Variants in RAPGEF6 observed in about 807,000 individuals in gnomAD.
The protein encoded by RAPGEF6 is Rap guanine nucleotide exchange factor 6.
A neutral mutation model predicts 171.4 loss-of-function variants in RAPGEF6; 56 were observed. That is an observed-to-expected ratio of 0.33 (90% CI 0.26 to 0.41). RAPGEF6 has a LOEUF of 0.41. Ranked by LOEUF, RAPGEF6 falls within the 10% of genes least tolerant of loss-of-function variation. RAPGEF6 has a pLI of 1.00. For missense variants in RAPGEF6, 1,674 were observed against 1,921.4 expected, an observed-to-expected ratio of 0.87 and a Z score of 2.41; for synonymous variants, 692 against 650.1, an observed-to-expected ratio of 1.06 and a Z score of -0.98.
intron 5 of RAPGEF6, among the ~76,000 whole-genome samples, chr5:131,551,551 G>A (rs1760928125): frequency 1.3e-5 from 2 of 150,592 alleles, no homozygotes; most frequent in Non-Finnish European, 3.0e-5. Flanking sequence ...ACAAGTAGGT[G>A]AATCAGGACT....
chr5:131,536,740 C>A (rs1401492641), intron 6 of RAPGEF6, among the ~76,000 whole-genome samples: 2 of 152,120 alleles, frequency 1.3e-5, no homozygotes, highest in African/African-American at 2.4e-5. Flanking sequence ...GTCTACACTG[C>A]GTATCAAGCA....
chr5:131,433,439 T>C lies in RAPGEF6; in HGVS notation c.3965A>G (p.His1322Arg), dbSNP rs549318728. 1.2e-6 allele frequency: 2 copies of C among 1,609,904 alleles called. No homozygotes were observed. Among genetic ancestry groups the C allele is most frequent in the African/African-American group, 1.3e-5 (1 of 74,952 alleles). Residue 1322 changes from histidine to arginine, a missense_variant, in exon 25 of 28, where the codon CAT becomes CGT. By Grantham distance (29) the His-to-Arg change is conservative. Transcript: ENST00000509018. ...AGACAATGATGCTTACCCAGGGCCATGTTGACTATGATCTCCTATCCCTGA... is the reference window on the plus strand; with the variant it reads ...AGACAATGATGCTTACCCAGGGCCACGTTGACTATGATCTCCTATCCCTGA... ...HASGIGDHSQ[H>R]GPGWTLLKPS...
intron 21 of RAPGEF6, among the ~76,000 whole-genome samples, chr5:131,448,540 T>A (rs1752863956): frequency 6.6e-6 from 1 of 152,204 alleles, no homozygotes; most frequent in East Asian, 1.9e-4. Context: ...AAGTTGCAGC[T>A]ATTTAGGAGC....
chr5:131,458,274 A>G (rs567637785), intron 19 of RAPGEF6, among the ~76,000 whole-genome samples: 1 of 152,232 alleles, frequency 6.6e-6, no homozygotes, highest in South Asian at 2.1e-4. Context: ...TCTCATGATA[A>G]TCAGTGAGTT....
intron 13 of RAPGEF6, among the ~76,000 whole-genome samples, chr5:131,494,710 TG>T (rs1376120494): frequency 6.6e-6 from 1 of 152,194 alleles, no homozygotes; most frequent in Admixed American, 6.5e-5. Context: ...AGCAATCTTT[TG>T]GCCACACAGA....
intron 3 of RAPGEF6, among the ~76,000 whole-genome samples, chr5:131,594,227 C>A (rs1580642782): frequency 6.6e-6 from 1 of 152,366 alleles, no homozygotes; most frequent in East Asian, 1.9e-4. Flanking sequence ...TGATAGTGAG[C>A]TCTCACAAGA....
chr5:131,618,552 C>T (rs1035717541), intron 1 of RAPGEF6, among the ~76,000 whole-genome samples: 4 of 152,104 alleles, frequency 2.6e-5, no homozygotes, highest in Non-Finnish European at 5.9e-5. Context: ...GCACAAGAAT[C>T]GCTTGAACCT....
intron 15 of RAPGEF6, among the ~76,000 whole-genome samples, chr5:131,488,549 A>G (rs893820730): frequency 1.3e-4 from 20 of 152,180 alleles, no homozygotes; most frequent in African/African-American, 4.3e-4. Context: ...TACTTATTCT[A>G]TGCTAAAGTA....
At chr5:131,489,906 T>A (rs979672862) in intron 14 of RAPGEF6, among the ~76,000 whole-genome samples, 1 of 152,108 alleles carries the variant, frequency 6.6e-6, no homozygotes, top group Non-Finnish European at 1.5e-5. Flanking sequence ...TGAGGAAATT[T>A]AAAAAATACC....
chr5:131,495,755 GA>G, intron 12 of RAPGEF6, 95 bp from the exon 13 acceptor site: 1 of 1,468,564 alleles, frequency 6.8e-7, no homozygotes, highest in Non-Finnish European at 9.1e-7. Flanking sequence ...ATGAAGAACT[GA>G]CAACCCTCTT....
chr5:131,611,648 C>T (rs933850191), intron 1 of RAPGEF6, among the ~76,000 whole-genome samples: 4 of 152,102 alleles, frequency 2.6e-5, no homozygotes, highest in Admixed American at 6.5e-5. Flanking sequence ...CTCCAATCTG[C>T]GTGACAGAGT....
intron 15 of RAPGEF6, among the ~76,000 whole-genome samples, chr5:131,486,324 A>G (rs1009140494): frequency 2.2e-4 from 33 of 152,184 alleles, no homozygotes; most frequent in Non-Finnish European, 4.3e-4. Flanking sequence ...GTTTTTCACT[A>G]TCTTTTTGGA....
intron 15 of RAPGEF6, among the ~76,000 whole-genome samples, chr5:131,480,567 C>T (rs961086086): frequency 6.6e-6 from 1 of 152,196 alleles, no homozygotes; most frequent in Non-Finnish European, 1.5e-5. Flanking sequence ...CAACCTCCAT[C>T]TCCCGGGTTC....
chr5:131,597,251 CTT>C (rs1168032932), intron 3 of RAPGEF6, among the ~76,000 whole-genome samples: 1 of 151,456 alleles, frequency 6.6e-6, no homozygotes, highest in Non-Finnish European at 1.5e-5. Context: ...GAAGGGAACA[CTT>C]ATACACTGTT....
At chr5:131,448,391 T>C (rs557561359) in intron 21 of RAPGEF6, among the ~76,000 whole-genome samples, 105 of 152,310 alleles carry the variant, frequency 6.9e-4, no homozygotes, top group African/African-American at 2.3e-3. Context: ...GCCAAGTCCA[T>C]AAGAGCTCCT....
chr5:131,468,000 C>T (rs1754479266), intron 17 of RAPGEF6, among the ~76,000 whole-genome samples: 1 of 151,654 alleles, frequency 6.6e-6, no homozygotes, highest in South Asian at 2.1e-4. Flanking sequence ...TACTGCAGTC[C>T]AGCCTGGGTG....
Position 131,522,214 on chromosome 5 carries a change from G to A in RAPGEF6, c.496-693C>T, listed in dbSNP as rs1044308999. Among the ~76,000 whole-genome samples the A allele has an allele frequency of 3.3e-5, 5 of 152,046 alleles. No individual in the cohort carries two copies. The East Asian group carries it at 5.8e-4, about 18-fold the overall frequency. On this transcript the variant is annotated intron_variant, in intron 6 of 27. Coordinates refer to ENST00000509018, the MANE Select transcript of RAPGEF6 (RefSeq NM_016340.6). Reference sequence around the variant, plus strand: ...CCACCACCTCATCTTTAATATGGTCGCATTCTTACCAGGTATGCAGGCTGT... The same window carrying A: ...CCACCACCTCATCTTTAATATGGTCACATTCTTACCAGGTATGCAGGCTGT...
intron 4 of RAPGEF6, among the ~76,000 whole-genome samples, chr5:131,567,967 T>C (rs1282834934): frequency 6.6e-6 from 1 of 152,202 alleles, no homozygotes; most frequent in East Asian, 1.9e-4. Context: ...CTAGTAATAT[T>C]TCTTGTCTTA....
At chr5:131,470,625 CTTTA>C (rs778460800) in intron 17 of RAPGEF6, among the ~76,000 whole-genome samples, 73 of 152,306 alleles carry the variant, frequency 4.8e-4, no homozygotes, top group Admixed American at 1.0e-3. Flanking sequence ...TGTGAAGACA[CTTTA>C]TTTTTGAATG....
Sources: gnomAD v4.1 joint callset for allele counts (sites outside exome capture counted in the v4.1 genomes callset) on GRCh38, gnomAD v4.1.1 for gene constraint, MANE v1.5 for transcripts, NCBI Gene and HGNC (gene_info 2026-07-23, HGNC 2026-07-21) for gene names.